Variants in SLC66A1 observed in about 807,000 individuals in gnomAD.
The protein encoded by SLC66A1 is lysosomal amino acid transporter 1 homolog.
In SLC66A1, 23 loss-of-function variants were observed where a neutral mutation model predicts 33.0. The observed-to-expected ratio is 0.70, with a 90% CI of 0.50 to 0.99. The LOEUF (loss-of-function observed/expected upper bound fraction) is 0.99, where lower values mean the gene tolerates loss of function less well. Ranked by LOEUF, SLC66A1 falls within the 50% of genes least tolerant of loss-of-function variation. SLC66A1 has a pLI of 0.00. For synonymous variants in SLC66A1, 164 were observed against 175.5 expected (o/e 0.93, Z 0.52); for missense variants, 335 against 383.6 (o/e 0.87, Z 1.06).
At chr1:19,313,568 G>C (rs1452038874) in intron 1 of SLC66A1, among the ~76,000 whole-genome samples, 1 of 151,372 alleles carries the variant, frequency 6.6e-6, no homozygotes, top group African/African-American at 2.4e-5. Context: ...AGCTCTCATG[G>C]GGCATCTTTG....
In SLC66A1 at chr1:19,328,551, C is replaced by G. The variant is rs1409680952; in HGVS notation, c.805-21C>G. The G allele has an allele frequency of 6.2e-7, 1 of 1,610,314 alleles. No individual in the cohort carries two copies. The highest frequency in any genetic ancestry group is 8.5e-7 in the Non-Finnish European group (1 of 1,178,412). On this transcript the variant is annotated intron_variant, in intron 7 of 7. Coordinates refer to ENST00000375153, the MANE Select transcript of SLC66A1 (RefSeq NM_001040125.2). This position sits in a 1 kb window ranked among gnomAD's most constrained non-coding sequence, Gnocchi z 4.7. ...CCAACCCAGTCTCTGCTCAGCTTGG[C>G]CTTAACGGCGGCACCCCCAGATCTC...
chr1:19,318,731 T>G (rs1401826182), intron 2 of SLC66A1, among the ~76,000 whole-genome samples: 2 of 151,260 alleles, frequency 1.3e-5, no homozygotes, highest in Admixed American at 6.6e-5. Flanking sequence ...GAGGATCACT[T>G]GAGGTCGGGA....
chr1:19,319,756 A>G (rs2093824977), intron 2 of SLC66A1, among the ~76,000 whole-genome samples: 1 of 150,938 alleles, frequency 6.6e-6, no homozygotes, highest in Non-Finnish European at 1.5e-5. Context: ...TACAAAAATT[A>G]GCGGGGTGTG....
intron 6 of SLC66A1, among the ~76,000 whole-genome samples, chr1:19,326,857 G>T (rs534186312): frequency 6.6e-6 from 1 of 152,370 alleles, no homozygotes; most frequent in African/African-American, 2.4e-5. Context: ...GTGTGTCTTG[G>T]GGGAGTGGGA....
At chr1:19,325,719 G>A in intron 4 of SLC66A1, 137 bp downstream of exon 4, 1 of 755,140 alleles carries the variant, frequency 1.3e-6, no homozygotes, top group South Asian at 1.7e-5. Context: ...GCCTTCCCCG[G>A]GCCTTATCTA....
chr1:19,322,716 G>A (rs1434660401), intron 2 of SLC66A1, among the ~76,000 whole-genome samples: 8 of 152,094 alleles, frequency 5.3e-5, no homozygotes, highest in African/African-American at 1.2e-4. Flanking sequence ...AGGGGTGAGC[G>A]GGACATCTGA....
At chr1:19,326,933 G>A (rs1292106214) in intron 6 of SLC66A1, among the ~76,000 whole-genome samples, 1 of 152,174 alleles carries the variant, frequency 6.6e-6, no homozygotes, top group African/African-American at 2.4e-5. Flanking sequence ...GGGAGTCGGG[G>A]AGGGGAGGCT....
chr1:19,316,538 G>A (rs981298884), intron 1 of SLC66A1, among the ~76,000 whole-genome samples: 1 of 151,172 alleles, frequency 6.6e-6, no homozygotes, highest in Non-Finnish European at 1.5e-5. Flanking sequence ...CTACAAGCGT[G>A]TGCCACCACA....
At chr1:19,316,279 C>T (rs1451954400) in intron 1 of SLC66A1, among the ~76,000 whole-genome samples, 2 of 152,106 alleles carry the variant, frequency 1.3e-5, no homozygotes, top group Non-Finnish European at 2.9e-5. Flanking sequence ...GAGTCCTTGT[C>T]ATTCATGCAA....
intron 1 of SLC66A1, among the ~76,000 whole-genome samples, chr1:19,314,932 A>G (rs1360576589): frequency 2.6e-5 from 4 of 151,528 alleles, no homozygotes; most frequent in African/African-American, 9.7e-5. Flanking sequence ...TTTGTTTTTG[A>G]GAGTCTTGCT....
At chr1:19,324,095 C>T (rs773795884) in intron 2 of SLC66A1, among the ~76,000 whole-genome samples, 14 of 152,222 alleles carry the variant, frequency 9.2e-5, no homozygotes, top group Non-Finnish European at 1.6e-4. Flanking sequence ...GAGCTCCAGG[C>T]GCCTCAGCCC....
downstream of SLC66A1, among the ~76,000 whole-genome samples, chr1:19,331,898 C>T (rs775001402): frequency 6.6e-6 from 1 of 152,212 alleles, no homozygotes; most frequent in Non-Finnish European, 1.5e-5. Context: ...GAAACACCAG[C>T]TTTTGGGGTG....
intron 1 of SLC66A1, among the ~76,000 whole-genome samples, chr1:19,315,448 A>G (rs2093799956): frequency 6.6e-6 from 1 of 152,172 alleles, no homozygotes; most frequent in Admixed American, 6.5e-5. Flanking sequence ...AGCGAGTCAC[A>G]TTAGGGCTGA....
At chr1:19,319,373 A>G (rs1352158925) in intron 2 of SLC66A1, among the ~76,000 whole-genome samples, 1 of 152,198 alleles carries the variant, frequency 6.6e-6, no homozygotes, top group African/African-American at 2.4e-5. Flanking sequence ...TTCATGATTC[A>G]TATAAATGGA....
At chr1:19,316,073 A>G (rs944592046) in intron 1 of SLC66A1, among the ~76,000 whole-genome samples, 4 of 152,210 alleles carry the variant, frequency 2.6e-5, no homozygotes, top group African/African-American at 9.6e-5. Flanking sequence ...GGTGTCACGC[A>G]GGCAATGACT....
chr1:19,313,223 TC>T (rs2093786706), intron 1 of SLC66A1: 1 of 985,300 alleles, frequency 1.0e-6, no homozygotes, highest in Non-Finnish European at 1.2e-6. Flanking sequence ...GCAGGTCTGT[TC>T]CAGAGTGCTT....
chr1:19,319,605 G>GTTTTTTTTTTGTTTTTTTTTTTGTTTTT (rs56769657), intron 2 of SLC66A1, among the ~76,000 whole-genome samples: 2 of 111,870 alleles, frequency 1.8e-5, no homozygotes, highest in African/African-American at 8.1e-5. Context: ...GCACATTCAT[G>GTTTTTTTTTTGTTTTTTTTTTTGTTTTT]TTTTTTTTTT....
At position 19,326,634 on chromosome 1, in the gene SLC66A1, A is replaced by G. The variant is rs1389177674; in HGVS notation, c.618+11A>G. 1.2e-6 allele frequency: 2 copies of G among 1,613,442 alleles called. No homozygotes were observed. Among genetic ancestry groups the G allele is most frequent in the South Asian group, 1.1e-5 (1 of 91,072 alleles). ...CAGATCCGCACCAACGTGAGCCTCC[A>G]GCAGGGGCTGGGTGGGGCCGAGTAG... On this transcript the variant is annotated intron_variant, in intron 6 of 7. Transcript: ENST00000375153.
intron 2 of SLC66A1, 58 bp from the exon 3 acceptor site, chr1:19,324,575 G>A: frequency 6.2e-7 from 1 of 1,604,376 alleles, no homozygotes; most frequent in South Asian, 1.1e-5. Context: ...TCCCCTATAA[G>A]GCGGCATCCC....
Sources: allele counts gnomAD v4.1 joint callset (sites outside exome capture counted in the v4.1 genomes callset), GRCh38; gene constraint gnomAD v4.1.1; non-coding constraint Gnocchi (gnomAD v3.1); transcripts MANE v1.5; gene names NCBI Gene and HGNC (gene_info 2026-07-23, HGNC 2026-07-21).